The following CLCN5 variants were observed in gnomAD, a reference collection of about 807,000 sequenced individuals.
The protein encoded by CLCN5 is Cl-/H+ antiporter 5, also known as H(+)/Cl(-) exchange transporter 5.
A neutral mutation model predicts 54.0 loss-of-function variants in CLCN5; 17 were observed. The observed-to-expected ratio is 0.31, with a 90% confidence interval of 0.22 to 0.47. CLCN5 has a LOEUF of 0.47. CLCN5 is among the 20% of genes least tolerant of loss of function. The pLI is 1.00. For synonymous variants in CLCN5, 222 were observed against 233.0 expected, an observed-to-expected ratio of 0.95 and a Z score of 0.43; for missense variants, 448 against 646.7, an observed-to-expected ratio of 0.69 and a Z score of 3.33.
chrX:50,056,782 A>G (rs1557189018), intron 4 of CLCN5, among the ~76,000 whole-genome samples: 1 of 112,040 alleles, frequency 8.9e-6, no homozygotes, highest in Admixed American at 9.5e-5. Context: ...AGGAGGTGTT[A>G]GAATCTGAAT....
chrX:49,978,310 C>T (rs782405344), intron 3 of CLCN5, among the ~76,000 whole-genome samples: 1 of 112,005 alleles, frequency 8.9e-6, no homozygotes, highest in Admixed American at 9.4e-5. Flanking sequence ...CTGGGCCCCA[C>T]AGATTATGTA....
At chrX:50,013,311 T>C (rs1930616635) in intron 3 of CLCN5, 1 of 369,879 alleles carries the variant, frequency 2.7e-6, no homozygotes, top group African/African-American at 2.7e-5. Context: ...GTGCATGGAT[T>C]ACAGGAGGGT....
chrX:50,027,019 T>TTCTTTC (rs1428854675), intron 3 of CLCN5, among the ~76,000 whole-genome samples: 2 of 102,839 alleles, frequency 1.9e-5, no homozygotes, highest in African/African-American at 7.3e-5. Flanking sequence ...CTTTCTTTCT[T>TTCTTTC]TTTTTTTTTT....
intron 4 of CLCN5, chrX:50,054,408 C>G (rs1437894661): frequency 9.0e-6 from 1 of 111,497 alleles, no homozygotes; most frequent in Admixed American, 9.5e-5. Flanking sequence ...TGGCAAGTTT[C>G]ACAATGATTT....
Position 50,092,515 on chromosome X carries a change from AAGT to A in CLCN5, c.*300_*302del, listed in dbSNP as rs1557194944. On this transcript the variant is annotated 3_prime_UTR_variant, in exon 15 of 15. Coordinates refer to ENST00000376091, the MANE Select transcript of CLCN5 (RefSeq NM_001127898.4). ...TTTTAAAAGATTTTTTTAACTTAAA[AAGT>A]AGTTAGCCAATATGCAATCACTGAA... 7.0e-6 allele frequency: 2 copies of A among 286,962 alleles called. No homozygotes were observed. The highest frequency in any genetic ancestry group is 6.2e-6 in the Non-Finnish European group (1 of 161,325). The allele number at this position is 286,962 out of a possible 1,213,427, so 23.6% of individuals were successfully genotyped here.
At chrX:49,970,451 C>T (rs1363844724) in intron 3 of CLCN5, among the ~76,000 whole-genome samples, 5 of 111,359 alleles carry the variant, frequency 4.5e-5, no homozygotes, top group African/African-American at 1.6e-4. Context: ...TCTACCACCA[C>T]TAATCTACTT....
chrX:49,990,101 C>CATTT (rs1406892593), intron 3 of CLCN5, among the ~76,000 whole-genome samples: 1 of 111,143 alleles, frequency 9.0e-6, no homozygotes, highest in Non-Finnish European at 1.9e-5. Flanking sequence ...TTTCCCCTTT[C>CATTT]ATTTATTTAT....
At chrX:49,930,824 A>G (rs1159986475) in intron 3 of CLCN5, among the ~76,000 whole-genome samples, 5 of 111,961 alleles carry the variant, frequency 4.5e-5, no homozygotes, top group Non-Finnish European at 7.5e-5. Flanking sequence ...TCAAACCCGT[A>G]TTGTTCAAGG....
intron 6 of CLCN5, among the ~76,000 whole-genome samples, chrX:50,073,456 C>A (rs1557191734): frequency 8.9e-6 from 1 of 111,818 alleles, no homozygotes; most frequent in Non-Finnish European, 1.9e-5. Context: ...AGTTTCTTAA[C>A]CCCTGGAAGC....
intron 3 of CLCN5, among the ~76,000 whole-genome samples, chrX:50,018,946 T>C (rs1177452897): frequency 3.6e-5 from 4 of 111,818 alleles, no homozygotes; most frequent in Admixed American, 9.5e-5. Flanking sequence ...TCAGTTTTGG[T>C]ATTAGGGTAA....
chrX:50,081,730 G>A lies in CLCN5; in HGVS notation c.816G>A (p.Val272=). 1 of 1,211,183 alleles carries A rather than the reference G, an allele frequency of 8.3e-7. No homozygotes were observed. Among genetic ancestry groups the A allele is most frequent in the East Asian group, 3.0e-5 (1 of 33,851 alleles). ...VIKTITLVLA[V]SSGLSLGKEG... ...AAACCATCACCTTGGTGCTGGCAGT[G>A]TCATCTGGCTTGAGCCTGGGCAAAG... Residue 272 remains valine (V), a synonymous_variant, in exon 9 of 15, where the codon GTG becomes GTA. Coordinates refer to ENST00000376091, the MANE Select transcript of CLCN5 (RefSeq NM_001127898.4).
intron 4 of CLCN5, among the ~76,000 whole-genome samples, chrX:50,044,478 A>G (rs1340815869): frequency 8.9e-6 from 1 of 111,990 alleles, no homozygotes; most frequent in Non-Finnish European, 1.9e-5. Context: ...GCATCCGTAT[A>G]AGAGATCACC....
chrX:50,083,265 A>C (rs1191220734), intron 9 of CLCN5, among the ~76,000 whole-genome samples: 1 of 111,208 alleles, frequency 9.0e-6, no homozygotes, highest in Non-Finnish European at 1.9e-5. Flanking sequence ...ATATAGAATA[A>C]ATTTTGTTGG....
In CLCN5 at chrX:50,092,989, G is replaced by C. The variant is rs1475206365; in HGVS notation, c.*770G>C. ...TCCAGGTGGCATTTGTTAGCTGGTA[G>C]ACAAGGACTTTGCCGTGAATTTGTT... is the stretch of plus-strand genomic sequence containing the variant. On this transcript the variant is annotated 3_prime_UTR_variant, in exon 15 of 15. Transcript: ENST00000376091. 5 of 112,306 alleles carry C rather than the reference G, an allele frequency of 4.5e-5. No individual in the cohort carries two copies. Among genetic ancestry groups the C allele is most frequent in the African/African-American group, 1.6e-4 (5 of 30,853 alleles). 9.3% of individuals were successfully genotyped at this position (112,306 alleles called of 1,213,427 possible).
intron 3 of CLCN5, among the ~76,000 whole-genome samples, chrX:50,027,017 C>CT (rs113714534): frequency 0.024 from 2,331 of 98,085 alleles, 27 homozygotes; most frequent in African/African-American, 0.049. Flanking sequence ...TTCTTTCTTT[C>CT]TTTTTTTTTT....
At chrX:49,938,696 A>G (rs1926145005) in intron 3 of CLCN5, among the ~76,000 whole-genome samples, 1 of 111,461 alleles carries the variant, frequency 9.0e-6, no homozygotes, top group African/African-American at 3.3e-5. Context: ...CCTAGAAGAA[A>G]ACCTAGGCAA....
chrX:49,936,580 A>G (rs1246724742), intron 3 of CLCN5, among the ~76,000 whole-genome samples: 1 of 112,262 alleles, frequency 8.9e-6, no homozygotes, highest in African/African-American at 3.2e-5. Flanking sequence ...AGACATAACA[A>G]AATGATCAGT....
chrX:49,994,815 G>A (rs184604892), intron 3 of CLCN5, among the ~76,000 whole-genome samples: 51 of 111,643 alleles, frequency 4.6e-4, no homozygotes, highest in African/African-American at 1.6e-3. Context: ...ACACGATTGG[G>A]TGAATTCTTC....
chrX:49,965,057 A>G (rs1436651215), intron 3 of CLCN5, among the ~76,000 whole-genome samples: 1 of 111,712 alleles, frequency 9.0e-6, no homozygotes, highest in Non-Finnish European at 1.9e-5. Flanking sequence ...CAGGATTGAA[A>G]TAAGTCAGTC....
Sources: allele counts gnomAD v4.1 joint callset (sites outside exome capture counted in the v4.1 genomes callset), GRCh38; gene constraint gnomAD v4.1.1; transcripts MANE v1.5; gene names NCBI Gene and HGNC (gene_info 2026-07-23, HGNC 2026-07-21).